The following MARCHF10 variants were observed in gnomAD, a reference collection of about 807,000 sequenced individuals.
The protein encoded by MARCHF10 is membrane associated ring-CH-type finger 10.
Under a neutral mutation model 76.2 loss-of-function variants are expected in MARCHF10, and 64 were observed. The observed-to-expected ratio is 0.84, with a 90% confidence interval of 0.69 to 1.03. The LOEUF (loss-of-function observed/expected upper bound fraction) is 1.03. Ranked by LOEUF, MARCHF10 falls within the 50% of genes least tolerant of loss-of-function variation. The probability of loss-of-function intolerance (pLI) is 0.00; values close to 1 mark genes in which losing one functional copy is unlikely to be tolerated. For synonymous variants in MARCHF10, 340 were observed against 357.5 expected (o/e 0.95, Z 0.55); for missense variants, 875 against 958.0 (o/e 0.91, Z 1.14).
chr17:62,779,041 C>CT (rs1288899075), intron 3 of MARCHF10, among the ~76,000 whole-genome samples: 1 of 152,200 alleles, frequency 6.6e-6, no homozygotes, highest in Non-Finnish European at 1.5e-5. Flanking sequence ...AAACCGTGGG[C>CT]TGCACATTCT....
chr17:62,713,509 G>T (rs556985772), intron 8 of MARCHF10, among the ~76,000 whole-genome samples: 2 of 152,186 alleles, frequency 1.3e-5, no homozygotes, highest in East Asian at 1.9e-4. Flanking sequence ...CATCAATCTC[G>T]CCGGCTCGGT....
intron 3 of MARCHF10, among the ~76,000 whole-genome samples, chr17:62,770,788 G>T (rs1222915703): frequency 6.7e-6 from 1 of 150,124 alleles, no homozygotes. Flanking sequence ...TGATTCACCC[G>T]CCTTGGCCTC....
At chr17:62,734,601 T>C (rs2091182716) in intron 6 of MARCHF10, among the ~76,000 whole-genome samples, 1 of 152,238 alleles carries the variant, frequency 6.6e-6, no homozygotes, top group Admixed American at 6.5e-5. Flanking sequence ...TGCATTTATA[T>C]GCAAAGATAA....
chr17:62,788,644 A>G, intron 2 of MARCHF10, 45 bp from the exon 3 acceptor site: 3 of 1,610,722 alleles, frequency 1.9e-6, no homozygotes, highest in Non-Finnish European at 2.5e-6. Flanking sequence ...GACCATGGCA[A>G]GCTTGGGTAA....
At chr17:62,779,965 C>T (rs756680305) in intron 3 of MARCHF10, among the ~76,000 whole-genome samples, 5 of 152,122 alleles carry the variant, frequency 3.3e-5, no homozygotes, top group African/African-American at 7.2e-5. Context: ...GGCGTGGTGG[C>T]GGGTGCCAGT....
intron 1 of MARCHF10, among the ~76,000 whole-genome samples, chr17:62,806,235 A>C (rs1261356771): frequency 2.0e-5 from 3 of 152,246 alleles, no homozygotes; most frequent in Non-Finnish European, 4.4e-5. Flanking sequence ...CAGAAATAAC[A>C]GTATGGAAAT....
chr17:62,747,285 C>T (rs2091739642), intron 4 of MARCHF10, among the ~76,000 whole-genome samples: 1 of 152,160 alleles, frequency 6.6e-6, no homozygotes, highest in African/African-American at 2.4e-5. Context: ...CCCAAGATGG[C>T]TTAAGATAAA....
At chr17:62,709,768 T>TA (rs1324030174) in intron 9 of MARCHF10, among the ~76,000 whole-genome samples, 2 of 152,156 alleles carry the variant, frequency 1.3e-5, no homozygotes, top group Non-Finnish European at 2.9e-5. Context: ...TTTTTTGTTT[T>TA]AAACAGGGTC....
In MARCHF10 at chr17:62,782,752, A is replaced by C. The variant is rs552574509; in HGVS notation, c.210+5728T>G. The stretch of plus-strand genomic sequence containing the variant: ...TTGAAGATTTCTTGGATCTGGCTTG[A>C]GTTTCATAAGAGATCTCTGGCTTCA... On this transcript the variant is annotated intron_variant, in intron 3 of 10. Transcript: ENST00000311269. Among the ~76,000 whole-genome samples, 28 of 152,096 alleles carry C rather than the reference A, an allele frequency of 1.8e-4. 1 individual carries two copies. The highest frequency in any genetic ancestry group is 1.2e-4 in the Non-Finnish European group (8 of 68,020).
chr17:62,737,273 C>T lies in MARCHF10; in HGVS notation c.595G>A (p.Glu199Lys), dbSNP rs2091314411. ...CNTKLKRPNQ[E>K]RRNLVPSSQP... is the part of the protein sequence containing the mutation. ...GACGATGGGACCAAGTTTCTTCTCT[C>T]TTGATTTGGCCTCTTCAGCTTAGTG... The change falls in exon 6 of 11, where the codon GAG becomes AAG. Residue 199 changes from glutamate (E) to lysine (K), a missense_variant. Glu to Lys is a moderately conservative substitution (Grantham distance 56). Coordinates refer to ENST00000311269, the MANE Select transcript of MARCHF10 (RefSeq NM_152598.4). The T allele has an allele frequency of 3.1e-6, 5 of 1,613,644 alleles. No homozygotes were observed. The highest frequency in any genetic ancestry group is 4.2e-6 in the Non-Finnish European group (5 of 1,179,980).
At chr17:62,708,734 C>T (rs769721318) in intron 9 of MARCHF10, among the ~76,000 whole-genome samples, 65 of 152,162 alleles carry the variant, frequency 4.3e-4, no homozygotes, top group Non-Finnish European at 8.1e-4. Flanking sequence ...TCATTTGGGA[C>T]GTCAGTAAAC....
In MARCHF10 at chr17:62,711,279, C is replaced by T. The variant is rs1203203935; in HGVS notation, c.2280G>A (p.Arg760=). 1.9e-6 allele frequency: 3 copies of T among 1,614,090 alleles called. No individual in the cohort carries two copies. The Middle Eastern group carries it at 4.9e-4, about 266-fold the overall frequency. ...LVLLLHLYEQ[R]FAELMRLNHN... ...GGTTGAGCCTCATGAGTTCTGCAAA[C>T]CTCTGCTCATAGAGGTGAAGCAGCA... The change falls in exon 9 of 11, where the codon AGG becomes AGA. Residue 760 remains arginine (R), a synonymous_variant. Coordinates refer to ENST00000311269, the MANE Select transcript of MARCHF10 (RefSeq NM_152598.4). The surrounding 1 kb of genome is among the most constrained non-coding windows in gnomAD (Gnocchi z 4.4).
In MARCHF10 at chr17:62,701,773, G is replaced by A. The variant is rs202231961; in HGVS notation, c.2372-15C>T. ...CAACTCCGAATCTGGAAGGCAAGAA[G>A]GTGTTTCAGGCTGGAGGGCCGCAGC... On this transcript the variant is annotated splice_polypyrimidine_tract_variant and intron_variant, in intron 10 of 10. Coordinates refer to ENST00000311269, the MANE Select transcript of MARCHF10 (RefSeq NM_152598.4). 646 of 1,613,990 alleles carry A rather than the reference G, an allele frequency of 4.0e-4. 1 individual carries two copies. In the African/African-American group the frequency reaches 7.0e-3, roughly 17 times the overall value.
At chr17:62,750,188 G>C (rs188129955) in intron 4 of MARCHF10, 15 of 153,008 alleles carry the variant, frequency 9.8e-5, no homozygotes, top group African/African-American at 3.6e-4. Flanking sequence ...TGTGTGCCTT[G>C]CAAGAGTGAC....
intron 4 of MARCHF10, among the ~76,000 whole-genome samples, chr17:62,755,869 T>G (rs1296415086): frequency 6.6e-6 from 1 of 152,142 alleles, no homozygotes; most frequent in African/African-American, 2.4e-5. Context: ...ATCCTAGCAC[T>G]CTGGGAGGCC....
intron 3 of MARCHF10, among the ~76,000 whole-genome samples, chr17:62,766,028 T>C (rs1568180217): frequency 1.7e-5 from 2 of 115,664 alleles, no homozygotes; most frequent in South Asian, 3.3e-4. Context: ...ACCTTGTCTC[T>C]ACAAAAAATA....
Position 62,759,852 on chromosome 17 carries a change from G to T in MARCHF10, c.365C>A (p.Pro122His). The T allele has an allele frequency of 6.2e-7, 1 of 1,613,818 alleles. No individual in the cohort carries two copies. The highest frequency in any genetic ancestry group is 1.7e-5 in the Admixed American group (1 of 59,970). ...CCACTCACCTGGAGAGGGTTCGCTG[G>T]GGTCCACTTTCTCTGCTTTCCTTAC... Reference protein sequence around the residue: ...MTVRKAEKVDPSEPSPADQAP... With the variant: ...MTVRKAEKVDHSEPSPADQAP... Residue 122 changes from proline (P) to histidine (H), a missense_variant, in exon 4 of 11, where the codon CCC (proline) becomes CAC (histidine). Pro to His is a moderately conservative substitution (Grantham distance 77). Transcript: ENST00000311269.
At chr17:62,793,724 A>G (rs571862660) in intron 2 of MARCHF10, among the ~76,000 whole-genome samples, 2 of 122,226 alleles carry the variant, frequency 1.6e-5, no homozygotes, top group East Asian at 5.1e-4. Context: ...CATCTCCATC[A>G]CCACCACCGC....
Position 62,725,127 on chromosome 17 carries a change from G to A in MARCHF10, c.1938-23C>T, listed in dbSNP as rs371441845. The A allele has an allele frequency of 2.3e-5, 36 of 1,559,984 alleles. No homozygotes were observed. The African/African-American group carries it at 3.5e-4, about 15-fold the overall frequency. On this transcript the variant is annotated intron_variant, in intron 6 of 10. Coordinates refer to ENST00000311269, the MANE Select transcript of MARCHF10 (RefSeq NM_152598.4). ...AGACTAAATGTGAAAACAAGCCCTCGTGACCAGGAGGCTACACGTTTGCAG... is the reference window on the plus strand; with the variant it reads ...AGACTAAATGTGAAAACAAGCCCTCATGACCAGGAGGCTACACGTTTGCAG...
Sources: allele counts gnomAD v4.1 joint callset (sites outside exome capture counted in the v4.1 genomes callset), GRCh38; gene constraint gnomAD v4.1.1; non-coding constraint Gnocchi (gnomAD v3.1); transcripts MANE v1.5; gene names NCBI Gene and HGNC (gene_info 2026-07-23, HGNC 2026-07-21).